PCDHGB3: variants seen among roughly 807,000 people sequenced by gnomAD.
PCDHGB3 encodes the protein protocadherin gamma subfamily B, 3, also known as protocadherin gamma-B3.
PCDHGB3 carries 40 observed loss-of-function variants against 59.2 expected under a neutral mutation model. That is an observed-to-expected ratio of 0.68 (90% CI 0.52 to 0.88). PCDHGB3 has a LOEUF of 0.88. Ranked by LOEUF, PCDHGB3 falls within the 40% of genes least tolerant of loss-of-function variation. The pLI, the probability that PCDHGB3 is intolerant of heterozygous loss-of-function variation, is 0.00. For synonymous variants in PCDHGB3, 581 were observed against 503.6 expected (o/e 1.15, Z -2.06); for missense variants, 1,309 against 1,187.9 (o/e 1.10, Z -1.50).
At chr5:141,375,187 T>A in intron 1 of PCDHGB3, 1 of 1,613,994 alleles carries the variant, frequency 6.2e-7, no homozygotes, top group Non-Finnish European at 8.5e-7. Flanking sequence ...TAATCGCCCT[T>A]TTTCAAGTGT....
intron 1 of PCDHGB3, chr5:141,374,909 G>A (rs1357561534): frequency 6.2e-7 from 1 of 1,613,824 alleles, no homozygotes; most frequent in East Asian, 2.2e-5. Flanking sequence ...AGTCCACGGG[G>A]AAGTAACTTA....
At chr5:141,478,603 A>C (rs116528962) in intron 1 of PCDHGB3, 173 of 1,563,096 alleles carry the variant, frequency 1.1e-4, no homozygotes, top group Non-Finnish European at 1.4e-4. Context: ...CCTACATCAT[A>C]TTGAGGAAGG....
chr5:141,469,821 G>GTCAC (rs2099212195), intron 1 of PCDHGB3, among the ~76,000 whole-genome samples: 1 of 152,028 alleles, frequency 6.6e-6, no homozygotes, highest in African/African-American at 2.4e-5. Flanking sequence ...TAGAATGGAG[G>GTCAC]TCACATAAAA....
chr5:141,488,677 G>A (rs2099678276), intron 1 of PCDHGB3, among the ~76,000 whole-genome samples: 2 of 152,184 alleles, frequency 1.3e-5, no homozygotes, highest in African/African-American at 2.4e-5. Context: ...CATGGGCTTT[G>A]CCTCTCCCAG....
At chr5:141,381,826 C>CTTTTTTTTTTTTTTTTTTTTTTTTCTTT (rs770630741) in intron 1 of PCDHGB3, among the ~76,000 whole-genome samples, 1 of 74,284 alleles carries the variant, frequency 1.3e-5, no homozygotes, top group Non-Finnish European at 2.4e-5. Context: ...CTTTCTTCTT[C>CTTTTTTTTTTTTTTTTTTTTTTTTCTTT]TTTTTTTTTT....
At position 141,431,696 on chromosome 5, in the gene PCDHGB3, G is replaced by T; in HGVS notation, c.2415+58887G>T. ...AGGGGAGTTGGACCACGAGGAGTCA[G>T]GATTCTACCAGATGGAAGTGCAAGC... On this transcript the variant is annotated intron_variant, in intron 1 of 3. Transcript: ENST00000576222. The surrounding 1 kb of genome is among the most constrained non-coding windows in gnomAD (Gnocchi z 4.8). 6.2e-7 allele frequency: 1 copy of T among 1,614,238 alleles called. No individual in the cohort carries two copies. Among genetic ancestry groups the T allele is most frequent in the Non-Finnish European group, 8.5e-7 (1 of 1,180,038 alleles).
At chr5:141,392,728 G>A in intron 1 of PCDHGB3, 3 of 1,407,730 alleles carry the variant, frequency 2.1e-6, no homozygotes, top group Non-Finnish European at 2.8e-6. Flanking sequence ...CCGGAGGATT[G>A]TCATCTCCAT....
At position 141,431,639 on chromosome 5, in the gene PCDHGB3, C is replaced by T; in HGVS notation, c.2415+58830C>T. 1 of 1,614,262 alleles carries T rather than the reference C, an allele frequency of 6.2e-7. No homozygotes were observed. The highest frequency in any genetic ancestry group is 8.5e-7 in the Non-Finnish European group (1 of 1,180,046). On this transcript the variant is annotated intron_variant, in intron 1 of 3. Transcript: ENST00000576222. This position sits in a 1 kb window ranked among gnomAD's most constrained non-coding sequence, Gnocchi z 4.8. Reference sequence around the variant, plus strand: ...CGACAAGGCGGCCCAAGTTTTCAAACTAGATTGTAATTCAGGGACAATATC... The same window carrying T: ...CGACAAGGCGGCCCAAGTTTTCAAATTAGATTGTAATTCAGGGACAATATC...
intron 1 of PCDHGB3, chr5:141,440,160 G>A (rs568136682): frequency 6.6e-6 from 1 of 152,324 alleles, no homozygotes; most frequent in East Asian, 1.9e-4. Flanking sequence ...ATTATAGCTT[G>A]GGCCATAACG....
intron 2 of PCDHGB3, among the ~76,000 whole-genome samples, chr5:141,499,146 C>T (rs1415999012): frequency 1.3e-5 from 2 of 152,132 alleles, no homozygotes; most frequent in African/African-American, 4.8e-5. Flanking sequence ...GTGTCTGATC[C>T]CAATAGCTGT....
At chr5:141,421,535 G>GT (rs975619932) in intron 1 of PCDHGB3, 8 of 1,614,032 alleles carry the variant, frequency 5.0e-6, no homozygotes, top group Non-Finnish European at 6.8e-6. Flanking sequence ...GTGTCCTCCT[G>GT]TTTTTTAAAT....
intron 1 of PCDHGB3, chr5:141,398,812 C>T (rs1255452758): frequency 1.9e-6 from 3 of 1,613,824 alleles, no homozygotes; most frequent in Admixed American, 3.3e-5. Context: ...CACTGAGCTC[C>T]GGATCCAGGT....
chr5:141,433,993 T>C (rs1367687577), intron 1 of PCDHGB3, among the ~76,000 whole-genome samples: 1 of 152,216 alleles, frequency 6.6e-6, no homozygotes, highest in Admixed American at 6.5e-5. Flanking sequence ...GAGTTTTATA[T>C]TCTCTATATA....
chr5:141,471,427 AGT>A (rs1475862025), intron 1 of PCDHGB3: 1 of 152,188 alleles, frequency 6.6e-6, no homozygotes, highest in Non-Finnish European at 1.5e-5. Flanking sequence ...TAGCAAGGAA[AGT>A]GTATAATCTC....
intron 1 of PCDHGB3, chr5:141,410,110 C>A (rs1361292941): frequency 6.2e-7 from 1 of 1,612,540 alleles, no homozygotes; most frequent in Admixed American, 1.7e-5. Flanking sequence ...GCGACAGGGA[C>A]GCAGCCCGCC....
At chr5:141,468,160 G>C (rs2099158881) in intron 1 of PCDHGB3, among the ~76,000 whole-genome samples, 1 of 151,468 alleles carries the variant, frequency 6.6e-6, no homozygotes, top group African/African-American at 2.4e-5. Context: ...CCCTGTCTCT[G>C]CTAAAAATAG....
At chr5:141,423,256 G>C (rs751894091) in intron 1 of PCDHGB3, 1 of 1,613,934 alleles carries the variant, frequency 6.2e-7, no homozygotes. Flanking sequence ...GGCGGACCTC[G>C]GCAGCCTCGA....
intron 1 of PCDHGB3, chr5:141,400,747 G>A: frequency 1.7e-6 from 1 of 602,780 alleles, no homozygotes; most frequent in Non-Finnish European, 2.9e-6. Flanking sequence ...TTTGCTCTTA[G>A]CTTCCTCTCT....
At chr5:141,383,391 G>A (rs764733462) in intron 1 of PCDHGB3, 7 of 1,613,978 alleles carry the variant, frequency 4.3e-6, no homozygotes. Context: ...ATGTGGGCAC[G>A]AACTCCCTCC....
Sources: gnomAD v4.1 joint callset for allele counts (sites outside exome capture counted in the v4.1 genomes callset) on GRCh38, gnomAD v4.1.1 for gene constraint, Gnocchi (gnomAD v3.1) non-coding constraint, MANE v1.5 for transcripts, NCBI Gene and HGNC (gene_info 2026-07-23, HGNC 2026-07-21) for gene names.